Variants in TSR1 observed in about 807,000 individuals in gnomAD.
The protein encoded by TSR1 is TSR1 ribosome maturation factor, also known as pre-rRNA-processing protein TSR1 homolog.
In TSR1, 81 loss-of-function variants were observed where a neutral mutation model predicts 90.9. The ratio of observed to expected loss-of-function variants is 0.89; its 90% CI spans 0.74 to 1.07. The LOEUF is 1.07. Among genes scored for constraint, TSR1 ranks in the 50% least tolerant of loss-of-function variants. TSR1 has a pLI of 0.00. For missense variants in TSR1, 989 were observed against 987.3 expected, an observed-to-expected ratio of 1.00 and a Z score of -0.02; for synonymous variants, 362 against 348.8, an observed-to-expected ratio of 1.04 and a Z score of -0.42.
At position 2,324,211 on chromosome 17, in the gene TSR1, T is replaced by C. The variant is rs138675628; in HGVS notation, c.2400A>G (p.Gln800=). 1.6e-5 allele frequency: 25 copies of C among 1,523,336 alleles called. No individual in the cohort carries two copies. In the Admixed American group the frequency reaches 2.7e-4, roughly 17 times the overall value. 94.4% of individuals were successfully genotyped at this position (1,523,336 alleles called of 1,614,324 possible). ...LKSEISSTVP[Q]GGME ...TTTGAATCCATTACTCCATGCCCCCTTGAGGCACTGTTGAAGAAATCTCAC... is the reference window on the plus strand; with the variant it reads ...TTTGAATCCATTACTCCATGCCCCCCTGAGGCACTGTTGAAGAAATCTCAC... The change falls in exon 15 of 15, where the codon CAA becomes CAG. Residue 800 remains glutamine, a synonymous_variant. Coordinates refer to ENST00000301364, the MANE Select transcript of TSR1 (RefSeq NM_018128.5).
chr17:2,334,335 A>T, intron 5 of TSR1, 137 bp downstream of exon 5: 1 of 929,006 alleles, frequency 1.1e-6, no homozygotes, highest in East Asian at 2.4e-5. Flanking sequence ...TTATCAACCT[A>T]TTTATAACTG....
In TSR1 at chr17:2,323,100, TTTG is replaced by T. The variant is rs1045256517; in HGVS notation, c.*1093_*1095del. 29 of 1,603,314 alleles carry T rather than the reference TTTG, an allele frequency of 1.8e-5. No individual in the cohort carries two copies. Among genetic ancestry groups the T allele is most frequent in the Non-Finnish European group, 2.3e-5 (27 of 1,170,550 alleles). On this transcript the variant is annotated 3_prime_UTR_variant, in exon 15 of 15. Coordinates refer to ENST00000301364, the MANE Select transcript of TSR1 (RefSeq NM_018128.5). ...TTTAGACATGCAGGCAATGTTGTGGTTTGTTGTTAAGATGTCTTAATATTCCTC... is the reference window on the plus strand; with the variant it reads ...TTTAGACATGCAGGCAATGTTGTGGTTTGTTAAGATGTCTTAATATTCCTC...
In TSR1 at chr17:2,332,201, C is replaced by G; in HGVS notation, c.1464G>C (p.Val488=). The G allele has an allele frequency of 6.2e-7, 1 of 1,613,636 alleles. No individual in the cohort carries two copies. Among genetic ancestry groups the G allele is most frequent in the East Asian group, 2.2e-5 (1 of 44,880 alleles). The part of the protein sequence containing the change: ...ERLEEMFPDE[V]DTPRDVAARI... ...GAGCAGCCACATCACGGGGCGTGTC[C>G]ACTTCATCTGGAAACATCTCTTCCA... Residue 488 remains valine (V), a synonymous_variant, in exon 8 of 15, where the codon GTG becomes GTC. Transcript: ENST00000301364.
chr17:2,324,180 A>G lies in TSR1; in HGVS notation c.*16T>C. 6.6e-7 allele frequency: 1 copy of G among 1,514,688 alleles called. No homozygotes were observed. Among genetic ancestry groups the G allele is most frequent in the Non-Finnish European group, 8.8e-7 (1 of 1,136,176 alleles). 93.8% of individuals were successfully genotyped at this position (1,514,688 alleles called of 1,614,324 possible). ...GTACTGACTGGCACCGGTAAGACAG[A>G]ATCTCTTTGAATCCATTACTCCATG... On this transcript the variant is annotated 3_prime_UTR_variant, in exon 15 of 15. Coordinates refer to ENST00000301364, the MANE Select transcript of TSR1 (RefSeq NM_018128.5).
intron 11 of TSR1, chr17:2,329,100 G>T (rs773193698): frequency 9.6e-6 from 7 of 730,872 alleles, no homozygotes; most frequent in Admixed American, 3.5e-5. Context: ...TTCAAAACCT[G>T]CTATGGAACA....
At chr17:2,325,495 G>A (rs983434859) in intron 11 of TSR1, 75 bp from the exon 12 acceptor site, 1 of 1,145,600 alleles carries the variant, frequency 8.7e-7, no homozygotes, top group African/African-American at 1.5e-5. Flanking sequence ...GTGAAAAGCT[G>A]TATTAGTGCA....
At chr17:2,331,563 T>C (rs763618792) in intron 8 of TSR1, among the ~76,000 whole-genome samples, 28 of 152,128 alleles carry the variant, frequency 1.8e-4, no homozygotes, top group Admixed American at 5.9e-4. Flanking sequence ...GTGACATGAC[T>C]TGCTCCCCCT....
chr17:2,334,801 C>A lies in TSR1; in HGVS notation c.652G>T (p.Asp218Tyr), dbSNP rs760531280. Residue 218 changes from aspartate (D) to tyrosine (Y), a missense_variant, in exon 5 of 15, where the codon GAC becomes TAC. By Grantham distance (160) the Asp-to-Tyr change is radical (BLOSUM62 -3). Transcript: ENST00000301364. The part of the protein sequence containing the change: ...SKAVEKRFPH[D>Y]KLLLLDTQQE... ...TGAGTGTCTAACAAGAGGAGTTTGT[C>A]ATGCGGAAAGCGCTTCTCCACTGCT... 19 of 1,614,110 alleles carry A rather than the reference C, an allele frequency of 1.2e-5. No homozygotes were observed. Among genetic ancestry groups the A allele is most frequent in the Non-Finnish European group, 1.4e-5 (17 of 1,180,054 alleles).
At chr17:2,325,918 T>C (rs1567782090) in intron 11 of TSR1, among the ~76,000 whole-genome samples, 1 of 152,092 alleles carries the variant, frequency 6.6e-6, no homozygotes, top group East Asian at 1.9e-4. Context: ...GCTGTATCAG[T>C]AACTTTTTAT....
At chr17:2,336,174 G>A (rs530249090) in intron 1 of TSR1, 34 bp from the exon 2 acceptor site, 1 of 1,603,696 alleles carries the variant, frequency 6.2e-7, no homozygotes, top group South Asian at 1.1e-5. Flanking sequence ...TGGTGTGATC[G>A]GCCCCACAAG....
At position 2,335,740 on chromosome 17, in the gene TSR1, G is replaced by C. The variant is rs755154525; in HGVS notation, c.202-10C>G. 1.2e-6 allele frequency: 2 copies of C among 1,610,830 alleles called. No homozygotes were observed. The highest frequency in any genetic ancestry group is 8.5e-7 in the Non-Finnish European group (1 of 1,179,332). On this transcript the variant is annotated splice_polypyrimidine_tract_variant and intron_variant, in intron 2 of 14. Coordinates refer to ENST00000301364, the MANE Select transcript of TSR1 (RefSeq NM_018128.5). The stretch of plus-strand genomic sequence containing the variant: ...TCTTCTCTGCCAGAACCTGAAAATA[G>C]AAAGATATCCGAGAACATCTCAGTG...
Position 2,322,716 on chromosome 17 carries a change from C to T in TSR1, c.*1480G>A, listed in dbSNP as rs145446023. 0.013 allele frequency: 2,065 copies of T among 156,146 alleles called. 39 individuals carry two copies. The highest frequency in any genetic ancestry group is 0.048 in the Admixed American group (756 of 15,780). 9.7% of individuals were successfully genotyped at this position (156,146 alleles called of 1,614,324 possible). A position where few individuals can be genotyped will look rare whatever the true frequency, so the allele number is the denominator to read the frequency against. ...TATTTTTAGTAGAGACGGGGTTTCA[C>T]CGTGTTAGCCAGGATGGTCTTGATC... On this transcript the variant is annotated 3_prime_UTR_variant, in exon 15 of 15. Coordinates refer to ENST00000301364, the MANE Select transcript of TSR1 (RefSeq NM_018128.5).
Position 2,335,913 on chromosome 17 carries a change from C to T in TSR1, c.201+124G>A, listed in dbSNP as rs565305150. 38 of 1,243,968 alleles carry T rather than the reference C, an allele frequency of 3.1e-5. No homozygotes were observed. The South Asian group carries it at 4.3e-4, about 14-fold the overall frequency. The allele number at this position is 1,243,968 out of a possible 1,614,324, so 77.1% of individuals were successfully genotyped here. On this transcript the variant is annotated intron_variant, in intron 2 of 14. Transcript: ENST00000301364. ...GCAAAGAATGCTAGACCTGCACGCTCGACACGTGCTCTAGGGCTATGCTCT... is the reference window on the plus strand; with the variant it reads ...GCAAAGAATGCTAGACCTGCACGCTTGACACGTGCTCTAGGGCTATGCTCT...
rs1597273709 is a variant in TSR1, at chr17:2,325,061, G to A, written c.2021-232C>T. On this transcript the variant is annotated intron_variant, in intron 12 of 14. Transcript: ENST00000301364. ...AACAAAACCATACTTTTTCTCATCAGTTGTTACAAGGAAAGGATGTTGAAC... is the reference window on the plus strand; with the variant it reads ...AACAAAACCATACTTTTTCTCATCAATTGTTACAAGGAAAGGATGTTGAAC... 8 of 599,512 alleles carry A rather than the reference G, an allele frequency of 1.3e-5. No individual in the cohort carries two copies. The East Asian group carries it at 2.0e-4, about 15-fold the overall frequency. 37.1% of individuals were successfully genotyped at this position (599,512 alleles called of 1,614,324 possible).
rs1198579573 is a variant in TSR1 at position 2,332,241 on chromosome 17, T to C, written c.1424A>G (p.Tyr475Cys). 1 of 1,614,182 alleles carries C rather than the reference T, an allele frequency of 6.2e-7. No individual in the cohort carries two copies. Among genetic ancestry groups the C allele is most frequent in the Non-Finnish European group, 8.5e-7 (1 of 1,180,034 alleles). The change falls in exon 8 of 15, where the codon TAT (tyrosine) becomes TGT (cysteine). Residue 475 changes from tyrosine (Y) to cysteine (C), a missense_variant. Transcript: ENST00000301364. ...CATCTCTTCCAGTCTTTCTTGTTTA[T>C]ATTTCTCCAACATTTTTGCCTCAGC... ...EEAEAKMLEK[Y>C]KQERLEEMFP...
chr17:2,332,612 G>A (rs547858885), intron 7 of TSR1, among the ~76,000 whole-genome samples: 28 of 152,166 alleles, frequency 1.8e-4, no homozygotes, highest in Admixed American at 7.2e-4. Flanking sequence ...CAAGGCAGGC[G>A]GATCATGAGG....
At chr17:2,333,851 C>G (rs1485170300) in intron 5 of TSR1, 135 bp from the exon 6 acceptor site, 2 of 1,109,284 alleles carry the variant, frequency 1.8e-6, no homozygotes, top group Admixed American at 2.7e-5. Context: ...CTTGTCAAAA[C>G]TTTTCCAATG....
chr17:2,334,881 C>T lies in TSR1; in HGVS notation c.572G>A (p.Gly191Glu), dbSNP rs761478877. 1.3e-4 allele frequency: 216 copies of T among 1,611,612 alleles called. No homozygotes were observed. Among genetic ancestry groups the T allele is most frequent in the Non-Finnish European group, 1.8e-4 (209 of 1,179,138 alleles). Residue 191 changes from glycine (G) to glutamate (E), a missense_variant, in exon 5 of 15, where the codon GGG becomes GAG. Transcript: ENST00000301364. ...GLPTYTLAVQGISGLPLKKQI... is the reference protein window; with the variant it reads ...GLPTYTLAVQEISGLPLKKQI... ...TTTCTTCAGTGGGAGGCCAGAAATC[C>T]CCTGGACAGCTAGTGCTGTAAGCGA...
At chr17:2,333,202 C>A (rs904298677) in intron 6 of TSR1, 78 bp from the exon 7 acceptor site, 3 of 1,505,356 alleles carry the variant, frequency 2.0e-6, no homozygotes, top group Non-Finnish European at 1.8e-6. Flanking sequence ...CTAGGCAAGG[C>A]ACCAGATACT....
Sources: gnomAD v4.1 joint callset for allele counts (sites outside exome capture counted in the v4.1 genomes callset) on GRCh38, gnomAD v4.1.1 for gene constraint, MANE v1.5 for transcripts, NCBI Gene and HGNC (gene_info 2026-07-23, HGNC 2026-07-21) for gene names.